Variants in ZNF385D observed in about 807,000 individuals in gnomAD.
The protein encoded by ZNF385D is zinc finger protein 385D, also known as zinc finger protein 659.
In ZNF385D, 15 loss-of-function variants were observed where a neutral mutation model predicts 35.8. The ratio of observed to expected loss-of-function variants is 0.42; its 90% CI spans 0.28 to 0.64. The LOEUF is 0.64. Among genes scored for constraint, ZNF385D ranks in the 30% least tolerant of loss-of-function variants. ZNF385D has a pLI of 0.23. For missense variants in ZNF385D, 474 were observed against 494.6 expected (o/e 0.96, Z 0.39); for synonymous variants, 212 against 186.8 (o/e 1.13, Z -1.10).
At chr3:21,591,615 C>G (rs995463389) in intron 2 of ZNF385D, among the ~76,000 whole-genome samples, 8 of 152,076 alleles carry the variant, frequency 5.3e-5, no homozygotes, top group Admixed American at 5.2e-4. Context: ...AAAGAGGAAA[C>G]CCACATGCAA....
chr3:21,867,302 ATTTT>A (rs1575805553), intron 3 of ZNF385D, among the ~76,000 whole-genome samples: 1 of 152,090 alleles, frequency 6.6e-6, no homozygotes, highest in African/African-American at 2.4e-5. Flanking sequence ...TTGGAAATTG[ATTTT>A]TTAACACATG....
intron 3 of ZNF385D, among the ~76,000 whole-genome samples, chr3:22,049,924 A>C (rs1052204318): frequency 6.6e-6 from 1 of 152,186 alleles, no homozygotes; most frequent in Non-Finnish European, 1.5e-5. Context: ...GGAATTTTGC[A>C]TCTATGTTTA....
chr3:22,240,316 G>T (rs985837137), intron 2 of ZNF385D, among the ~76,000 whole-genome samples: 11 of 150,560 alleles, frequency 7.3e-5, no homozygotes, highest in Non-Finnish European at 1.2e-4. Context: ...CCTTATTAGA[G>T]ACACGGAAAG....
chr3:21,683,800 T>C (rs2125321305), intron 1 of ZNF385D, among the ~76,000 whole-genome samples: 1 of 149,898 alleles, frequency 6.7e-6, no homozygotes, highest in South Asian at 2.1e-4. Context: ...AGCCCCAGGG[T>C]GACAGCAAGG....
chr3:21,897,525 A>C (rs953460735), intron 3 of ZNF385D, among the ~76,000 whole-genome samples: 1 of 151,950 alleles, frequency 6.6e-6, no homozygotes, highest in Non-Finnish European at 1.5e-5. Context: ...TCTCCTTACT[A>C]TTTTATATAG....
At chr3:21,885,589 T>C (rs13318103) in intron 3 of ZNF385D, among the ~76,000 whole-genome samples, 2,815 of 152,044 alleles carry the variant, frequency 0.019, 82 homozygotes, top group African/African-American at 0.059. Context: ...TGAGAATCAA[T>C]TGGTTATAAG....
intron 2 of ZNF385D, among the ~76,000 whole-genome samples, chr3:22,362,417 A>G (rs1176952455): frequency 6.6e-6 from 1 of 152,106 alleles, no homozygotes; most frequent in Admixed American, 6.6e-5. Context: ...GGAACTGAAA[A>G]ACTGTATATT....
chr3:22,250,397 A>C (rs1034040296), intron 2 of ZNF385D, among the ~76,000 whole-genome samples: 2 of 151,984 alleles, frequency 1.3e-5, no homozygotes, highest in South Asian at 2.1e-4. Context: ...CTGCTTATCA[A>C]CCTCCCTAAG....
At chr3:21,794,333 T>C (rs1304929789) in intron 3 of ZNF385D, among the ~76,000 whole-genome samples, 1 of 152,074 alleles carries the variant, frequency 6.6e-6, no homozygotes, top group Non-Finnish European at 1.5e-5. Context: ...TGGACATTCC[T>C]GAGGACTTCT....
intron 2 of ZNF385D, among the ~76,000 whole-genome samples, chr3:22,169,699 T>G (rs1045146450): frequency 6.6e-6 from 1 of 152,208 alleles, no homozygotes; most frequent in African/African-American, 2.4e-5. Context: ...ATGGCTTACA[T>G]TGGAAAGCAT....
At chr3:22,066,013 A>C (rs1458394005) in intron 3 of ZNF385D, among the ~76,000 whole-genome samples, 1 of 152,170 alleles carries the variant, frequency 6.6e-6, no homozygotes, top group Non-Finnish European at 1.5e-5. Context: ...GAAAATTATC[A>C]AAAAATAAGA....
intron 2 of ZNF385D, among the ~76,000 whole-genome samples, chr3:21,568,984 AAGAT>A (rs1349313476): frequency 3.3e-5 from 5 of 152,194 alleles, no homozygotes; most frequent in African/African-American, 1.2e-4. Flanking sequence ...GATATTTTGA[AAGAT>A]AGAATTTTCA....
intron 3 of ZNF385D, among the ~76,000 whole-genome samples, chr3:22,111,898 G>A (rs1225289630): frequency 6.6e-6 from 1 of 152,078 alleles, no homozygotes; most frequent in Non-Finnish European, 1.5e-5. Context: ...GAAGTGAAAA[G>A]CACAGAAGAA....
At chr3:21,704,872 T>G (rs2067840843) in intron 1 of ZNF385D, among the ~76,000 whole-genome samples, 1 of 152,202 alleles carries the variant, frequency 6.6e-6, no homozygotes. Context: ...AAGTAGATAC[T>G]TAATAAGTAC....
At chr3:21,712,526 T>C (rs2068152116) in intron 1 of ZNF385D, among the ~76,000 whole-genome samples, 1 of 152,234 alleles carries the variant, frequency 6.6e-6, no homozygotes, top group African/African-American at 2.4e-5. Flanking sequence ...ATCAAATTTA[T>C]TTTAAATAAT....
At chr3:22,060,184 C>T (rs79592169) in intron 3 of ZNF385D, among the ~76,000 whole-genome samples, 2 of 152,238 alleles carry the variant, frequency 1.3e-5, no homozygotes, top group East Asian at 3.9e-4. Context: ...GACTGGCTTT[C>T]TTGAGTCTCT....
At chr3:22,104,615 T>C (rs1314941612) in intron 3 of ZNF385D, among the ~76,000 whole-genome samples, 1 of 152,098 alleles carries the variant, frequency 6.6e-6, no homozygotes, top group Non-Finnish European at 1.5e-5. Context: ...TTCTATTACA[T>C]TCAACATAAA....
At chr3:22,069,035 A>G (rs1233106156) in intron 3 of ZNF385D, among the ~76,000 whole-genome samples, 3 of 152,310 alleles carry the variant, frequency 2.0e-5, no homozygotes, top group Middle Eastern at 3.4e-3. Flanking sequence ...CTGTCACAAG[A>G]TGGCTGCCAC....
At chr3:21,670,241 G>A (rs1268243847) in intron 1 of ZNF385D, among the ~76,000 whole-genome samples, 4 of 151,524 alleles carry the variant, frequency 2.6e-5, no homozygotes, top group Admixed American at 6.6e-5. Context: ...TATCTGTATT[G>A]AAATATATAT....
Sources: allele counts gnomAD v4.1 joint callset (sites outside exome capture counted in the v4.1 genomes callset), GRCh38; gene constraint gnomAD v4.1.1; transcripts MANE v1.5; gene names NCBI Gene and HGNC (gene_info 2026-07-23, HGNC 2026-07-21).